The following TIPIN variants were observed in gnomAD, a reference collection of about 807,000 sequenced individuals.
TIPIN encodes TIMELESS-interacting protein.
In TIPIN, 29 loss-of-function variants were observed where a neutral mutation model predicts 35.6. The ratio of observed to expected loss-of-function variants is 0.82; its 90% CI spans 0.61 to 1.11. The LOEUF is 1.11. Ranked by LOEUF, TIPIN falls within the 50% of genes most tolerant of loss-of-function variation. The pLI is 0.00. For synonymous variants in TIPIN, 102 were observed against 121.5 expected, an observed-to-expected ratio of 0.84 and a Z score of 1.06; for missense variants, 296 against 345.4, an observed-to-expected ratio of 0.86 and a Z score of 1.13.
chr15:66,361,575 A>AC (rs1439008162), upstream of TIPIN, among the ~76,000 whole-genome samples: 1 of 151,720 alleles, frequency 6.6e-6, no homozygotes, highest in Non-Finnish European at 1.5e-5. Context: ...AAAAAAAAAA[A>AC]AAAACAGCAA....
chr15:66,358,311 A>G (rs2093216158), upstream of TIPIN, among the ~76,000 whole-genome samples: 1 of 152,230 alleles, frequency 6.6e-6, no homozygotes, highest in South Asian at 2.1e-4. Flanking sequence ...AACTATTCAA[A>G]AAACTAAATT....
intron 1 of TIPIN, among the ~76,000 whole-genome samples, chr15:66,376,519 C>A (rs370040739): frequency 5.3e-5 from 8 of 151,938 alleles, no homozygotes; most frequent in Admixed American, 2.0e-4. Flanking sequence ...ACCTCTGCCT[C>A]CCAGGTTCAA....
chr15:66,382,146 T>C (rs2093321010), intron 1 of TIPIN, among the ~76,000 whole-genome samples: 12 of 152,212 alleles, frequency 7.9e-5, no homozygotes, highest in Admixed American at 7.9e-4. Flanking sequence ...TCCTGTATGT[T>C]AGGCACTATT....
At chr15:66,354,558 C>T (rs1447134643) in intron 1 of TIPIN, among the ~76,000 whole-genome samples, 1 of 152,192 alleles carries the variant, frequency 6.6e-6, no homozygotes, top group Non-Finnish European at 1.5e-5. Context: ...CTGATCACCT[C>T]ACTTGGATTA....
chr15:66,383,532 G>A, intron 1 of TIPIN: 1 of 967,336 alleles, frequency 1.0e-6, no homozygotes, highest in Non-Finnish European at 1.2e-6. Context: ...CCAAAGTGCT[G>A]GGATTAAAGG....
chr15:66,366,249 T>C (rs2093253602), intron 1 of TIPIN, among the ~76,000 whole-genome samples: 1 of 144,476 alleles, frequency 6.9e-6, no homozygotes, highest in South Asian at 2.2e-4. Flanking sequence ...AAGTCAAGAG[T>C]TCGAGACCAG....
intron 1 of TIPIN, among the ~76,000 whole-genome samples, chr15:66,377,530 AATTTTTGT>A (rs1043356875): frequency 4.6e-5 from 7 of 151,578 alleles, no homozygotes; most frequent in African/African-American, 1.7e-4. Flanking sequence ...ACGCCCAACT[AATTTTTGT>A]ATTTTTAGTA....
intron 1 of TIPIN, among the ~76,000 whole-genome samples, chr15:66,354,276 T>C (rs1595801408): frequency 6.6e-6 from 1 of 152,206 alleles, no homozygotes; most frequent in East Asian, 1.9e-4. Flanking sequence ...ACTCAGCAGG[T>C]ACAAAACCAA....
rs2093151376 is a variant in TIPIN, at chr15:66,349,363, C to T, written c.363G>A (p.Glu121=). The change falls in exon 5 of 8, where the codon GAG becomes GAA. Residue 121 remains glutamate (E), a synonymous_variant. Coordinates refer to ENST00000261881, the MANE Select transcript of TIPIN (RefSeq NM_017858.3). The part of the protein sequence containing the change: ...AHRLFPKLQF[E]DFIDRVEYLG... ...GGTATTCAACTCTGTCAATAAAATC[C>T]TCAAACTGCAGTTTAGGGAATAGCC... 6.2e-7 allele frequency: 1 copy of T among 1,613,886 alleles called. No homozygotes were observed. The highest frequency in any genetic ancestry group is 1.3e-5 in the African/African-American group (1 of 74,906).
chr15:66,367,735 G>GT (rs535581582), intron 1 of TIPIN, among the ~76,000 whole-genome samples: 21 of 139,460 alleles, frequency 1.5e-4, no homozygotes, highest in Non-Finnish European at 3.0e-4. Context: ...AATTTTTTAT[G>GT]TTTTTTTTCC....
At chr15:66,383,089 A>C (rs1437027193) in intron 1 of TIPIN, 1 of 613,856 alleles carries the variant, frequency 1.6e-6, no homozygotes, top group Non-Finnish European at 2.0e-6. Context: ...CATGCATAGA[A>C]TCATAATATT....
At chr15:66,348,838 G>A (rs2414901) in intron 6 of TIPIN, among the ~76,000 whole-genome samples, 70,953 of 151,924 alleles carry the variant, frequency 0.47, 18,555 homozygotes, top group South Asian at 0.65. Context: ...CCAGCTACTC[G>A]GGAGGCTGAG....
chr15:66,356,684 C>G lies in TIPIN; in HGVS notation c.-54G>C, dbSNP rs1018784386. ...CACAGCGCGGACCTCGGCGTGCAGA[C>G]TAAGCGCGCTTCTCGCGATACTCGG... is the stretch of plus-strand genomic sequence containing the variant. On this transcript the variant is annotated 5_prime_UTR_variant, in exon 1 of 8. Transcript: ENST00000261881. 2.0e-6 allele frequency: 2 copies of G among 985,578 alleles called. No homozygotes were observed. Among genetic ancestry groups the G allele is most frequent in the South Asian group, 9.4e-5 (2 of 21,294 alleles). The allele number at this position is 985,578 out of a possible 1,614,324, so 61.1% of individuals were successfully genotyped here.
At chr15:66,363,513 G>A (rs1453279445) in intron 1 of TIPIN, among the ~76,000 whole-genome samples, 2 of 151,634 alleles carry the variant, frequency 1.3e-5, no homozygotes, top group African/African-American at 4.9e-5. Flanking sequence ...GTGGTGGCCG[G>A]CACCTGTAGT....
chr15:66,364,779 T>C (rs997071282), intron 1 of TIPIN, among the ~76,000 whole-genome samples: 5 of 151,596 alleles, frequency 3.3e-5, no homozygotes, highest in African/African-American at 1.2e-4. Context: ...CTAGCCTGAC[T>C]AACATGGTGA....
chr15:66,361,342 G>A (rs1466460557), upstream of TIPIN, among the ~76,000 whole-genome samples: 2 of 148,932 alleles, frequency 1.3e-5, no homozygotes, highest in Non-Finnish European at 3.0e-5. Context: ...TGCAAGCTCC[G>A]CTTCCCGGGT....
chr15:66,374,979 G>A (rs1566986311), intron 1 of TIPIN, among the ~76,000 whole-genome samples: 2 of 152,292 alleles, frequency 1.3e-5, no homozygotes, highest in East Asian at 3.9e-4. Flanking sequence ...ACCAAGTGCT[G>A]GGATTACAGG....
intron 6 of TIPIN, among the ~76,000 whole-genome samples, chr15:66,347,684 G>A (rs2093136347): frequency 6.6e-6 from 1 of 151,990 alleles, no homozygotes; most frequent in African/African-American, 2.4e-5. Flanking sequence ...CTGGATTCAA[G>A]TTAATTCTCC....
At chr15:66,340,551 G>A (rs1266761679) in intron 7 of TIPIN, among the ~76,000 whole-genome samples, 3 of 151,928 alleles carry the variant, frequency 2.0e-5, no homozygotes, top group African/African-American at 7.2e-5. Flanking sequence ...TAAGGAGTCA[G>A]GGAAGAATGT....
Sources: allele counts gnomAD v4.1 joint callset (sites outside exome capture counted in the v4.1 genomes callset), GRCh38; gene constraint gnomAD v4.1.1; transcripts MANE v1.5; gene names NCBI Gene and HGNC (gene_info 2026-07-23, HGNC 2026-07-21).